The following MROH7 variants were observed in gnomAD, a reference collection of about 807,000 sequenced individuals.
MROH7 encodes the protein maestro heat like repeat family member 7.
In MROH7, 113 loss-of-function variants were observed where a neutral mutation model predicts 129.2. The observed-to-expected ratio is 0.87, with a 90% CI of 0.75 to 1.02. The LOEUF is 1.02. Ranked by LOEUF, MROH7 falls within the 50% of genes least tolerant of loss-of-function variation. The pLI is 0.00. For missense variants in MROH7, 1,601 were observed against 1,671.3 expected (o/e 0.96, Z 0.73); for synonymous variants, 655 against 667.9 (o/e 0.98, Z 0.30).
intron 16 of MROH7, among the ~76,000 whole-genome samples, chr1:54,692,813 A>T (rs553531883): frequency 6.6e-6 from 1 of 152,224 alleles, no homozygotes; most frequent in African/African-American, 2.4e-5. Flanking sequence ...ACCATTCCTT[A>T]GTGCATTATG....
intron 16 of MROH7, among the ~76,000 whole-genome samples, chr1:54,693,171 A>G (rs1371401841): frequency 6.6e-6 from 1 of 152,230 alleles, no homozygotes; most frequent in Admixed American, 6.5e-5. Context: ...GTTATCAACA[A>G]TGCGTTTCTG....
chr1:54,701,013 G>A, intron 18 of MROH7, 130 bp from the exon 19 acceptor site: 2 of 964,078 alleles, frequency 2.1e-6, no homozygotes, highest in East Asian at 2.6e-5. Context: ...CAGGCAGGTG[G>A]GATGGCATAG....
chr1:54,650,672 AC>A (rs1377972974), intron 1 of MROH7, among the ~76,000 whole-genome samples: 1 of 141,584 alleles, frequency 7.1e-6, no homozygotes, highest in Non-Finnish European at 1.5e-5. Flanking sequence ...TTATCTCCCT[AC>A]TTTCCTTACC....
chr1:54,702,427 A>G (rs1211059253), intron 20 of MROH7, among the ~76,000 whole-genome samples, 182 bp downstream of exon 20: 1 of 152,252 alleles, frequency 6.6e-6, no homozygotes, highest in Non-Finnish European at 1.5e-5. Flanking sequence ...GCTTCTGGTC[A>G]TAGCTGATGT....
chr1:54,696,916 C>G (rs532650601), intron 17 of MROH7, among the ~76,000 whole-genome samples: 1 of 152,230 alleles, frequency 6.6e-6, no homozygotes, highest in South Asian at 2.1e-4. Flanking sequence ...AAATGATCCT[C>G]CCACCTCAGC....
chr1:54,702,220 A>G lies in MROH7; in HGVS notation c.3416A>G (p.Gln1139Arg), dbSNP rs766155389. The change falls in exon 20 of 24, where the codon CAG becomes CGG. Residue 1139 changes from glutamine to arginine, a missense_variant. Gln to Arg is a conservative substitution (Grantham distance 43). Coordinates refer to ENST00000421030, the MANE Select transcript of MROH7 (RefSeq NM_001039464.4). ...TTGGTGCCCCTACTGCTGACCATGC[A>G]GGAGGGCAACTCCAAGGTAAGCCAG... Reference protein sequence around the residue: ...STLVPLLLTMQEGNSKVSQKC... With the variant: ...STLVPLLLTMREGNSKVSQKC... 6 of 1,571,324 alleles carry G rather than the reference A, an allele frequency of 3.8e-6. No individual in the cohort carries two copies. In the South Asian group the frequency reaches 5.8e-5, roughly 15 times the overall value.
chr1:54,659,505 A>G (rs1306901414), intron 3 of MROH7, among the ~76,000 whole-genome samples: 8 of 145,412 alleles, frequency 5.5e-5, no homozygotes, highest in Non-Finnish European at 9.0e-5. Flanking sequence ...CCCAGGCTGG[A>G]GTGCAATGGC....
chr1:54,709,461 G>A (rs143626932), intron 23 of MROH7, among the ~76,000 whole-genome samples: 5 of 151,836 alleles, frequency 3.3e-5, no homozygotes, highest in Non-Finnish European at 7.4e-5. Flanking sequence ...CAAGTGATCC[G>A]CCCGCTTCTG....
chr1:54,675,012 G>T (rs1244219464), intron 10 of MROH7, among the ~76,000 whole-genome samples: 4 of 151,826 alleles, frequency 2.6e-5, no homozygotes, highest in Non-Finnish European at 5.9e-5. Context: ...GTCTGGCTTT[G>T]TTGCCCAGGC....
At chr1:54,699,916 T>G in intron 17 of MROH7, 1 of 577,938 alleles carries the variant, frequency 1.7e-6, no homozygotes, top group South Asian at 2.2e-5. Flanking sequence ...GGGGTCAGAG[T>G]GGAGGTGGGC....
At chr1:54,649,185 T>G (rs895801633) in intron 1 of MROH7, among the ~76,000 whole-genome samples, 1 of 152,204 alleles carries the variant, frequency 6.6e-6, no homozygotes, top group Non-Finnish European at 1.5e-5. Context: ...CCTTGAAGGC[T>G]CTAGCAACCC....
chr1:54,695,064 C>A (rs1412641610), intron 16 of MROH7, among the ~76,000 whole-genome samples: 1 of 152,158 alleles, frequency 6.6e-6, no homozygotes, highest in Non-Finnish European at 1.5e-5. Flanking sequence ...GCCTTCACAT[C>A]CTCTCCTTCC....
chr1:54,642,529 C>G (rs1456352645), intron 1 of MROH7, among the ~76,000 whole-genome samples: 1 of 152,200 alleles, frequency 6.6e-6, no homozygotes, highest in Non-Finnish European at 1.5e-5. Context: ...TCTTGGGAAT[C>G]TCTATGGTAT....
chr1:54,672,446 G>C (rs891886817), intron 7 of MROH7, among the ~76,000 whole-genome samples: 1 of 152,100 alleles, frequency 6.6e-6, no homozygotes, highest in Non-Finnish European at 1.5e-5. Context: ...GCCCAGCCTC[G>C]TGTACATGTA....
chr1:54,690,026 A>G (rs889566357), intron 15 of MROH7, among the ~76,000 whole-genome samples: 4 of 152,142 alleles, frequency 2.6e-5, no homozygotes, highest in African/African-American at 9.7e-5. Context: ...TGTCAGATCA[A>G]TCATTGGCTC....
rs1557690863 is a variant in MROH7, at chr1:54,653,145, A to C, written c.219A>C (p.Ser73=). Residue 73 remains serine (S), a synonymous_variant, in exon 3 of 24, where the codon TCA becomes TCC. Coordinates refer to ENST00000421030, the MANE Select transcript of MROH7 (RefSeq NM_001039464.4). ...DSLSPVSGEA[S]GLVSENTPRP... ...TGAGTCCAGTCTCAGGGGAGGCCTCAGGCCTGGTGTCTGAAAACACCCCCA... is the reference window on the plus strand; with the variant it reads ...TGAGTCCAGTCTCAGGGGAGGCCTCCGGCCTGGTGTCTGAAAACACCCCCA... 1 of 1,614,178 alleles carries C rather than the reference A, an allele frequency of 6.2e-7. No homozygotes were observed. The highest frequency in any genetic ancestry group is 8.5e-7 in the Non-Finnish European group (1 of 1,180,028).
Position 54,653,164 on chromosome 1 carries a change from A to G in MROH7, c.238A>G (p.Thr80Ala), listed in dbSNP as rs756183210. 2.2e-5 allele frequency: 36 copies of G among 1,613,754 alleles called. No individual in the cohort carries two copies. The Admixed American group carries it at 5.7e-4, about 25-fold the overall frequency. The change falls in exon 3 of 24, where the codon ACC becomes GCC. Residue 80 changes from threonine (T) to alanine (A), a missense_variant. Coordinates refer to ENST00000421030, the MANE Select transcript of MROH7 (RefSeq NM_001039464.4). ...GGCCTCAGGCCTGGTGTCTGAAAAC[A>G]CCCCCAGACCTGATGACAGCAGAGC... ...GEASGLVSENTPRPDDSRAIA... is the reference protein window; with the variant it reads ...GEASGLVSENAPRPDDSRAIA...
intron 10 of MROH7, among the ~76,000 whole-genome samples, chr1:54,677,421 C>T (rs189205590): frequency 1.3e-3 from 204 of 152,132 alleles, no homozygotes; most frequent in Middle Eastern, 3.4e-3. Context: ...CAAAACAAAA[C>T]AAAACAAACA....
chr1:54,687,885 T>C (rs1645173707), intron 15 of MROH7, among the ~76,000 whole-genome samples: 1 of 151,300 alleles, frequency 6.6e-6, no homozygotes. Flanking sequence ...TTTTTTTTTT[T>C]TGAGACAGGG....
Sources: allele counts gnomAD v4.1 joint callset (sites outside exome capture counted in the v4.1 genomes callset), GRCh38; gene constraint gnomAD v4.1.1; transcripts MANE v1.5; gene names NCBI Gene and HGNC (gene_info 2026-07-23, HGNC 2026-07-21).